POU6F2: variants seen among roughly 807,000 people sequenced by gnomAD.
POU6F2 encodes POU domain, class 6, transcription factor 2.
A neutral mutation model predicts 71.3 loss-of-function variants in POU6F2; 31 were observed. The observed-to-expected ratio is 0.43, with a 90% confidence interval of 0.33 to 0.59. The LOEUF (loss-of-function observed/expected upper bound fraction) is 0.59, where lower values mean the gene tolerates loss of function less well. Among genes scored for constraint, POU6F2 ranks in the 20% least tolerant of loss-of-function variants. The pLI, the probability that POU6F2 is intolerant of heterozygous loss-of-function variation, is 0.04. For missense variants in POU6F2, 783 were observed against 856.8 expected (o/e 0.91, Z 1.07); for synonymous variants, 347 against 355.7 (o/e 0.98, Z 0.27).
chr7:39,068,100 T>G (rs1790798188), intron 1 of POU6F2, among the ~76,000 whole-genome samples: 1 of 152,164 alleles, frequency 6.6e-6, no homozygotes, highest in Admixed American at 6.5e-5. Context: ...ATTGCCTGGT[T>G]TTTTGATAGC....
At chr7:39,093,238 A>C (rs766796098) in intron 2 of POU6F2, among the ~76,000 whole-genome samples, 1 of 152,116 alleles carries the variant, frequency 6.6e-6, no homozygotes, top group African/African-American at 2.4e-5. Flanking sequence ...ATTTGAAAAT[A>C]TAAGGGGAAA....
chr7:39,367,733 A>G (rs546047318), intron 5 of POU6F2, among the ~76,000 whole-genome samples: 2 of 152,234 alleles, frequency 1.3e-5, no homozygotes, highest in African/African-American at 2.4e-5. Context: ...GCAACCCTGC[A>G]TCTAGCATGT....
intron 1 of POU6F2, among the ~76,000 whole-genome samples, chr7:38,979,748 A>T (rs1040264707): frequency 6.6e-6 from 1 of 152,120 alleles, no homozygotes; most frequent in Non-Finnish European, 1.5e-5. Context: ...GTTTAATAAA[A>T]CTTTTCTTAG....
chr7:39,137,924 G>A (rs539834444), intron 2 of POU6F2, among the ~76,000 whole-genome samples: 1 of 152,284 alleles, frequency 6.6e-6, no homozygotes, highest in African/African-American at 2.4e-5. Flanking sequence ...TAAGCCTACA[G>A]TCCTGTGAAG....
intron 1 of POU6F2, among the ~76,000 whole-genome samples, chr7:39,055,128 C>T (rs757821617): frequency 4.6e-5 from 7 of 151,906 alleles, no homozygotes; most frequent in Non-Finnish European, 8.8e-5. Flanking sequence ...ACGAAGTAGA[C>T]GTCAAAGTCA....
At position 39,220,509 on chromosome 7, in the gene POU6F2, G is replaced by A. The variant is rs142765728; in HGVS notation, c.598+12889G>A. Among the ~76,000 whole-genome samples, 11 of 152,206 alleles carry A rather than the reference G, an allele frequency of 7.2e-5. No homozygotes were observed. In the East Asian group the frequency reaches 7.7e-4, roughly 11 times the overall value. On this transcript the variant is annotated intron_variant, in intron 4 of 9. Transcript: ENST00000518318. ...AAGGCATTTATGCAACCGAAAACCC[G>A]AGCACCTGGTAAGAATAAGATCTGA...
At chr7:39,462,037 A>G (rs984110555) in intron 9 of POU6F2, among the ~76,000 whole-genome samples, 1 of 152,130 alleles carries the variant, frequency 6.6e-6, no homozygotes, top group Non-Finnish European at 1.5e-5. Context: ...GTTGTTGCCA[A>G]TTTTCTATTG....
At chr7:39,071,222 A>G (rs1790871035) in intron 1 of POU6F2, among the ~76,000 whole-genome samples, 2 of 151,906 alleles carry the variant, frequency 1.3e-5, no homozygotes, top group African/African-American at 2.4e-5. Flanking sequence ...CAGGCATTAG[A>G]TTCTCACAAG....
chr7:39,398,300 C>CT (rs1267975755), intron 5 of POU6F2, among the ~76,000 whole-genome samples: 2 of 151,074 alleles, frequency 1.3e-5, no homozygotes, highest in Non-Finnish European at 2.9e-5. Flanking sequence ...ATATCAGACT[C>CT]TAATAAGTTG....
chr7:39,162,445 G>A (rs1187815208), intron 2 of POU6F2, among the ~76,000 whole-genome samples: 1 of 152,080 alleles, frequency 6.6e-6, no homozygotes, highest in Non-Finnish European at 1.5e-5. Flanking sequence ...CTTCCAAAAC[G>A]GTCTATAGTT....
intron 4 of POU6F2, among the ~76,000 whole-genome samples, chr7:39,216,549 A>C (rs1205883895): frequency 6.6e-6 from 1 of 152,106 alleles, no homozygotes; most frequent in Non-Finnish European, 1.5e-5. Flanking sequence ...AAAGGAGTAC[A>C]AGGGAATTTG....
chr7:39,070,036 C>T (rs1790844069), intron 1 of POU6F2, among the ~76,000 whole-genome samples: 1 of 152,144 alleles, frequency 6.6e-6, no homozygotes, highest in African/African-American at 2.4e-5. Context: ...TAGGGACTCA[C>T]TCCCTTCCTC....
intron 2 of POU6F2, among the ~76,000 whole-genome samples, chr7:39,110,389 G>A (rs1791783841): frequency 6.6e-6 from 1 of 151,664 alleles, no homozygotes; most frequent in South Asian, 2.1e-4. Flanking sequence ...TATTTTATTG[G>A]TTTCTATCCT....
chr7:39,100,474 G>C (rs1312357523), intron 2 of POU6F2, among the ~76,000 whole-genome samples: 3 of 152,098 alleles, frequency 2.0e-5, no homozygotes, highest in African/African-American at 7.2e-5. Context: ...TGTTGCCATG[G>C]CAACCCCACA....
chr7:39,356,524 G>T (rs1450157255), intron 5 of POU6F2, among the ~76,000 whole-genome samples: 1 of 151,988 alleles, frequency 6.6e-6, no homozygotes. Flanking sequence ...TCTTTTTTAT[G>T]AACAATTTAT....
chr7:39,316,803 T>C (rs1253667816), intron 4 of POU6F2, among the ~76,000 whole-genome samples: 10 of 152,014 alleles, frequency 6.6e-5, no homozygotes, highest in Admixed American at 6.6e-4. Context: ...TGGAGGAAGA[T>C]GAAATGTTAC....
At chr7:39,450,885 G>A (rs1384177266) in intron 7 of POU6F2, among the ~76,000 whole-genome samples, 11 of 152,146 alleles carry the variant, frequency 7.2e-5, no homozygotes, top group Admixed American at 6.5e-4. Context: ...CCTTAATACA[G>A]TGGCCGGCCC....
intron 4 of POU6F2, among the ~76,000 whole-genome samples, chr7:39,280,515 A>G (rs1441190646): frequency 6.6e-6 from 1 of 152,232 alleles, no homozygotes; most frequent in Non-Finnish European, 1.5e-5. Context: ...TCTCCTTTCC[A>G]TTGCTTTCGA....
intron 2 of POU6F2, among the ~76,000 whole-genome samples, chr7:39,190,513 T>G (rs756557934): frequency 6.0e-5 from 9 of 150,718 alleles, no homozygotes; most frequent in Non-Finnish European, 1.0e-4. Context: ...AGGTTTGTTA[T>G]GAAGATTAAA....
Sources: allele counts gnomAD v4.1 joint callset (sites outside exome capture counted in the v4.1 genomes callset), GRCh38; gene constraint gnomAD v4.1.1; transcripts MANE v1.5; gene names NCBI Gene and HGNC (gene_info 2026-07-23, HGNC 2026-07-21).